The following TIFA variants were observed in gnomAD, a reference collection of about 807,000 sequenced individuals.
TIFA encodes the protein TRAF-interacting protein with FHA domain-containing protein A.
For missense variants in TIFA, 186 were observed against 215.2 expected (o/e 0.86, Z 0.85); for synonymous variants, 75 against 79.2 (o/e 0.95, Z 0.28).
Position 112,276,886 on chromosome 4 carries a change from A to G in TIFA, c.*976T>C, listed in dbSNP as rs76862247. The G allele has an allele frequency of 0.012, 1,893 of 152,334 alleles. 31 individuals carry two copies. Among genetic ancestry groups the G allele is most frequent in the African/African-American group, 0.043 (1,804 of 41,574 alleles). The allele number at this position is 152,334 out of a possible 1,614,324, so 9.4% of individuals were successfully genotyped here. On this transcript the variant is annotated 3_prime_UTR_variant, in exon 2 of 2. Coordinates refer to ENST00000361717, the MANE Select transcript of TIFA (RefSeq NM_052864.3). ...TGGTTACCTCATCTACTTAACATTC[A>G]TAGCTACCTTAGTTAAGATAAGTCG... is the stretch of plus-strand genomic sequence containing the variant.
At chr4:112,283,561 A>C (rs1727263490) in intron 1 of TIFA, among the ~76,000 whole-genome samples, 1 of 152,198 alleles carries the variant, frequency 6.6e-6, no homozygotes. Context: ...CAGCAGAAAA[A>C]CAGGAAAGAC....
chr4:112,280,775 TG>T (rs1727216287), intron 1 of TIFA, among the ~76,000 whole-genome samples: 1 of 152,252 alleles, frequency 6.6e-6, no homozygotes, highest in African/African-American at 2.4e-5. Flanking sequence ...TCTTTTCTAT[TG>T]ATTTGAAAAT....
In TIFA at chr4:112,278,300, C is replaced by A; in HGVS notation, c.117G>T (p.Glu39Asp). Residue 39 changes from glutamate (E) to aspartate (D), a missense_variant, in exon 2 of 2, where the codon GAG becomes GAT. Physicochemically the swap from Glu to Asp is conservative, Grantham distance 45. Coordinates refer to ENST00000361717, the MANE Select transcript of TIFA (RefSeq NM_052864.3). ...TCACCACTTCGCTGGAAGGGAGTTT[C>A]TCTCTGTTAAAACTTATTGACTGAA... ...GIFQSISFNR[E>D]KLPSSEVVKF... The A allele has an allele frequency of 6.2e-7, 1 of 1,614,130 alleles. No homozygotes were observed. Among genetic ancestry groups the A allele is most frequent in the Non-Finnish European group, 8.5e-7 (1 of 1,180,010 alleles).
chr4:112,277,672 C>CGGATGTCACCGT lies in TIFA; in HGVS notation c.*189_*190insACGGTGACATCC. ...CAGTTAAAATAATTTTGTGTAGATC[C>CGGATGTCACCGT]AGAATACAACAGGTGACTAAGTTAA... On this transcript the variant is annotated 3_prime_UTR_variant, in exon 2 of 2. Coordinates refer to ENST00000361717, the MANE Select transcript of TIFA (RefSeq NM_052864.3). 1 of 322,366 alleles carries CGGATGTCACCGT rather than the reference C, an allele frequency of 3.1e-6. No homozygotes were observed. The highest frequency in any genetic ancestry group is 8.0e-4 in the Middle Eastern group (1 of 1,244). The allele number at this position is 322,366 out of a possible 1,614,324, so 20.0% of individuals were successfully genotyped here. A position where few individuals can be genotyped will look rare whatever the true frequency, so the allele number is the denominator to read the frequency against.
intron 1 of TIFA, among the ~76,000 whole-genome samples, chr4:112,284,078 A>C (rs1727274288): frequency 6.6e-6 from 1 of 152,248 alleles, no homozygotes; most frequent in Non-Finnish European, 1.5e-5. Flanking sequence ...AGCTGAATAC[A>C]GAAGGCATAG....
In TIFA at chr4:112,277,722, A is replaced by T; in HGVS notation, c.*140T>A. 1.3e-6 allele frequency: 1 copy of T among 751,790 alleles called. No homozygotes were observed. Among genetic ancestry groups the T allele is most frequent in the South Asian group, 2.9e-5 (1 of 33,948 alleles). 46.6% of individuals were successfully genotyped at this position (751,790 alleles called of 1,614,324 possible). On this transcript the variant is annotated 3_prime_UTR_variant, in exon 2 of 2. Coordinates refer to ENST00000361717, the MANE Select transcript of TIFA (RefSeq NM_052864.3). ...ATGACTAACACAATTTACAGACTTC[A>T]AAATGATAATACTGAATTCCAAATT...
At chr4:112,285,025 C>T (rs561490937) in intron 1 of TIFA, among the ~76,000 whole-genome samples, 51 of 152,310 alleles carry the variant, frequency 3.3e-4, no homozygotes, top group African/African-American at 9.9e-4. Context: ...AGTCCCACTT[C>T]CTGGTGGCTG....
Position 112,277,691 on chromosome 4 carries a change from A to AGCCGT in TIFA, c.*170_*171insACGGC. 3 of 481,908 alleles carry AGCCGT rather than the reference A, an allele frequency of 6.2e-6. No individual in the cohort carries two copies. The highest frequency in any genetic ancestry group is 1.1e-4 in the South Asian group (2 of 17,990). 29.9% of individuals were successfully genotyped at this position (481,908 alleles called of 1,614,324 possible). On this transcript the variant is annotated 3_prime_UTR_variant, in exon 2 of 2. Coordinates refer to ENST00000361717, the MANE Select transcript of TIFA (RefSeq NM_052864.3). ...TAGATCCAGAATACAACAGGTGACT[A>AGCCGT]AGTTAATGACTAACACAATTTACAG...
Position 112,274,906 on chromosome 4 carries a change from T to G in TIFA, c.*2956A>C, listed in dbSNP as rs770810431. The stretch of plus-strand genomic sequence containing the variant: ...GGCCTATGAGATTTAACCACTGGAG[T>G]TGCAGGTTCAAGAAGAGACTGCCAA... On this transcript the variant is annotated 3_prime_UTR_variant, in exon 2 of 2. Coordinates refer to ENST00000361717, the MANE Select transcript of TIFA (RefSeq NM_052864.3). 1 of 151,832 alleles carries G rather than the reference T, an allele frequency of 6.6e-6. No individual in the cohort carries two copies. The highest frequency in any genetic ancestry group is 6.6e-5 in the Admixed American group (1 of 15,230). 9.4% of individuals were successfully genotyped at this position (151,832 alleles called of 1,614,324 possible).
chr4:112,277,463 C>T lies in TIFA; in HGVS notation c.*399G>A, dbSNP rs1469991089. 2 of 160,120 alleles carry T rather than the reference C, an allele frequency of 1.2e-5. No individual in the cohort carries two copies. Among genetic ancestry groups the T allele is most frequent in the African/African-American group, 4.8e-5 (2 of 41,494 alleles). The allele number at this position is 160,120 out of a possible 1,614,324, so 9.9% of individuals were successfully genotyped here. Reference sequence around the variant, plus strand: ...AGTAACAACCTGCCTGGAGCCTTGACCTTGAAAACAAATGGCTGTTGTGAA... The same window carrying T: ...AGTAACAACCTGCCTGGAGCCTTGATCTTGAAAACAAATGGCTGTTGTGAA... On this transcript the variant is annotated 3_prime_UTR_variant, in exon 2 of 2. Coordinates refer to ENST00000361717, the MANE Select transcript of TIFA (RefSeq NM_052864.3).
rs1727310190 is a variant in TIFA at position 112,285,631 on chromosome 4, C to G, written c.-19+9G>C. 1 of 152,404 alleles carries G rather than the reference C, an allele frequency of 6.6e-6. No homozygotes were observed. Among genetic ancestry groups the G allele is most frequent in the Admixed American group, 6.5e-5 (1 of 15,302 alleles). The allele number at this position is 152,404 out of a possible 1,614,324, so 9.4% of individuals were successfully genotyped here. ...CCACCTCACCCCCAGCCCGCCGCCC[C>G]GCAAGTACCTGGGGCTGGGGAGTCA... is the stretch of plus-strand genomic sequence containing the variant. On this transcript the variant is annotated intron_variant, in intron 1 of 1. Transcript: ENST00000361717.
intron 1 of TIFA, among the ~76,000 whole-genome samples, chr4:112,282,514 T>A (rs1170827453): frequency 6.6e-6 from 1 of 152,180 alleles, no homozygotes; most frequent in African/African-American, 2.4e-5. Flanking sequence ...AATGTAACCA[T>A]TCACCTTTCC....
rs951234043 is a variant in TIFA, at chr4:112,274,593, A to G, written c.*3269T>C. On this transcript the variant is annotated 3_prime_UTR_variant, in exon 2 of 2. Coordinates refer to ENST00000361717, the MANE Select transcript of TIFA (RefSeq NM_052864.3). ...AAGTGTTAGAGAATTGGAAACATAA[A>G]AAGAGCCAGGAGGTAACATAAAACC... 4 of 152,230 alleles carry G rather than the reference A, an allele frequency of 2.6e-5. No homozygotes were observed. The highest frequency in any genetic ancestry group is 9.7e-5 in the African/African-American group (4 of 41,448). 9.4% of individuals were successfully genotyped at this position (152,230 alleles called of 1,614,324 possible). A position where few individuals can be genotyped will look rare whatever the true frequency, so the allele number is the denominator to read the frequency against.
chr4:112,277,796 T>G lies in TIFA; in HGVS notation c.*66A>C, dbSNP rs1727146215. 1 of 1,441,974 alleles carries G rather than the reference T, an allele frequency of 6.9e-7. No individual in the cohort carries two copies. The highest frequency in any genetic ancestry group is 9.3e-7 in the Non-Finnish European group (1 of 1,079,312). The allele number at this position is 1,441,974 out of a possible 1,614,324, so 89.3% of individuals were successfully genotyped here. On this transcript the variant is annotated 3_prime_UTR_variant, in exon 2 of 2. Coordinates refer to ENST00000361717, the MANE Select transcript of TIFA (RefSeq NM_052864.3). Reference sequence around the variant, plus strand: ...ATATACTACCCTAATCAACTCTTATTTAGTGTCTATACAGCATCTACAGAG... The same window carrying G: ...ATATACTACCCTAATCAACTCTTATGTAGTGTCTATACAGCATCTACAGAG...
chr4:112,277,671 C>CTCGGTTG lies in TIFA; in HGVS notation c.*190_*191insCAACCGA. The CTCGGTTG allele has an allele frequency of 2.4e-6, 1 of 409,582 alleles. No homozygotes were observed. Among genetic ancestry groups the CTCGGTTG allele is most frequent in the Non-Finnish European group, 4.2e-6 (1 of 240,738 alleles). 25.4% of individuals were successfully genotyped at this position (409,582 alleles called of 1,614,324 possible). ...GCAGTTAAAATAATTTTGTGTAGAT[C>CTCGGTTG]CAGAATACAACAGGTGACTAAGTTA... On this transcript the variant is annotated 3_prime_UTR_variant, in exon 2 of 2. Transcript: ENST00000361717.
intron 1 of TIFA, among the ~76,000 whole-genome samples, chr4:112,280,250 TA>T (rs1727202356): frequency 6.6e-6 from 1 of 152,074 alleles, no homozygotes; most frequent in African/African-American, 2.4e-5. Flanking sequence ...CCATCTATAT[TA>T]GATGTTGGCA....
At chr4:112,284,548 A>G (rs1350184625) in intron 1 of TIFA, among the ~76,000 whole-genome samples, 2 of 152,164 alleles carry the variant, frequency 1.3e-5, no homozygotes, top group Non-Finnish European at 2.9e-5. Context: ...AACAGGATTG[A>G]CCAAACTAAT....
chr4:112,278,149 T>C lies in TIFA; in HGVS notation c.268A>G (p.Met90Val), dbSNP rs749672723. 1.9e-6 allele frequency: 3 copies of C among 1,614,042 alleles called. No homozygotes were observed. The highest frequency in any genetic ancestry group is 1.1e-5 in the South Asian group (1 of 91,066). The change falls in exon 2 of 2, where the codon ATG (methionine) becomes GTG (valine). Residue 90 changes from methionine (M) to valine (V), a missense_variant. Transcript: ENST00000361717. ...ACGATCAGATTGGTCTTTTTACTCA[T>C]ATTTTTTATTTCAAAGGAGAGAACT... ...SSVLSFEIKN[M>V]SKKTNLIVDS... is the part of the protein sequence containing the mutation.
chr4:112,280,931 T>C (rs1475445594), intron 1 of TIFA, among the ~76,000 whole-genome samples: 1 of 152,208 alleles, frequency 6.6e-6, no homozygotes, highest in East Asian at 1.9e-4. Context: ...TAAAACTTAC[T>C]ATGAAGCCAA....
Sources: allele counts gnomAD v4.1 joint callset (sites outside exome capture counted in the v4.1 genomes callset), GRCh38; gene constraint gnomAD v4.1.1; transcripts MANE v1.5; gene names NCBI Gene and HGNC (gene_info 2026-07-23, HGNC 2026-07-21).